The following CHD9 variants were observed in gnomAD, a reference collection of about 807,000 sequenced individuals.
The protein encoded by CHD9 is chromodomain helicase DNA binding protein 9.
CHD9 carries 77 observed loss-of-function variants against 316.1 expected under a neutral mutation model. The ratio of observed to expected loss-of-function variants is 0.24; its 90% CI spans 0.20 to 0.29. The LOEUF (loss-of-function observed/expected upper bound fraction) is 0.29, where lower values mean the gene tolerates loss of function less well. Among genes scored for constraint, CHD9 ranks in the 10% least tolerant of loss-of-function variants. The pLI is 1.00. For missense variants in CHD9, 2,763 were observed against 3,438.1 expected (o/e 0.80, Z 4.91); for synonymous variants, 1,129 against 1,158.3 (o/e 0.97, Z 0.51).
At position 53,307,701 on chromosome 16, in the gene CHD9, G is replaced by A; in HGVS notation, c.6801G>A (p.Arg2267=). 6.2e-7 allele frequency: 1 copy of A among 1,609,808 alleles called. No individual in the cohort carries two copies. Among genetic ancestry groups the A allele is most frequent in the Non-Finnish European group, 8.5e-7 (1 of 1,177,918 alleles). ...YWPKDRVMIN[R]LDSICQTVLK... Reference sequence around the variant, plus strand: ...TCTAGGATCGTGTGATGATCAATAGGTTGGACAGTATTTGTCAAACAGTTC... The same window carrying A: ...TCTAGGATCGTGTGATGATCAATAGATTGGACAGTATTTGTCAAACAGTTC... Residue 2267 remains arginine (R), a synonymous_variant, in exon 33 of 39, where the codon AGG becomes AGA. Coordinates refer to ENST00000447540, the MANE Select transcript of CHD9 (RefSeq NM_001308319.2).
At chr16:53,132,066 CTGTT>C (rs2152684354) in intron 1 of CHD9, among the ~76,000 whole-genome samples, 1 of 152,052 alleles carries the variant, frequency 6.6e-6, no homozygotes, top group South Asian at 2.1e-4. Flanking sequence ...AGACTGGTTT[CTGTT>C]TGTTCTTATT....
At chr16:53,257,436 A>T (rs2050700110) in intron 19 of CHD9, among the ~76,000 whole-genome samples, 1 of 152,200 alleles carries the variant, frequency 6.6e-6, no homozygotes, top group Admixed American at 6.5e-5. Context: ...AAGGGGAAAG[A>T]CTAGAAACAG....
chr16:53,131,239 G>C (rs1018963598), intron 1 of CHD9: 1 of 151,132 alleles, frequency 6.6e-6, no homozygotes, highest in Admixed American at 6.6e-5. Flanking sequence ...AGTCTCAGTC[G>C]AGGCGGGGGG....
At chr16:53,226,247 T>A (rs12599784) in intron 4 of CHD9, 119 bp from the exon 5 acceptor site, 186,129 of 602,308 alleles carry the variant, frequency 0.31, 29,654 homozygotes, top group Middle Eastern at 0.38. Context: ...GAAAAGATAG[T>A]ACATTGAGTG....
chr16:53,262,043 A>G (rs2051188457), intron 19 of CHD9, among the ~76,000 whole-genome samples: 1 of 152,104 alleles, frequency 6.6e-6, no homozygotes, highest in Admixed American at 6.5e-5. Flanking sequence ...TTCTTTAATT[A>G]AGATTTTTAC....
intron 25 of CHD9, among the ~76,000 whole-genome samples, 160 bp from the exon 26 acceptor site, chr16:53,286,066 G>A (rs548333883): frequency 6.6e-6 from 1 of 152,300 alleles, no homozygotes; most frequent in Non-Finnish European, 1.5e-5. Flanking sequence ...ATCATTTAAT[G>A]TTTGTGATAA....
intron 1 of CHD9, among the ~76,000 whole-genome samples, chr16:53,056,045 A>G (rs1462292981): frequency 6.6e-6 from 1 of 152,180 alleles, no homozygotes; most frequent in Non-Finnish European, 1.5e-5. Flanking sequence ...CAACTAGTAA[A>G]AATGAGCCCT....
At chr16:53,208,382 G>C (rs1356848709) in intron 2 of CHD9, 2 of 1,275,816 alleles carry the variant, frequency 1.6e-6, no homozygotes, top group Non-Finnish European at 2.0e-6. Flanking sequence ...GAGGAGGAGG[G>C]GTTCTTTGGG....
intron 1 of CHD9, among the ~76,000 whole-genome samples, chr16:53,129,467 C>A (rs1269374592): frequency 6.6e-6 from 1 of 152,212 alleles, no homozygotes; most frequent in Non-Finnish European, 1.5e-5. Flanking sequence ...TCTTCCCAGC[C>A]CTGTCAGTAT....
At chr16:53,070,927 G>A (rs1054333303) in intron 1 of CHD9, among the ~76,000 whole-genome samples, 3 of 152,188 alleles carry the variant, frequency 2.0e-5, no homozygotes, top group African/African-American at 7.2e-5. Flanking sequence ...AAATCAGGAT[G>A]TGTGAGTCCT....
chr16:53,315,145 C>T (rs1272469776), intron 36 of CHD9, 101 bp downstream of exon 36: 1 of 795,772 alleles, frequency 1.3e-6, no homozygotes, highest in East Asian at 2.7e-5. Context: ...TAAATATGTG[C>T]TCTGCCTAAG....
At chr16:53,056,960 C>G (rs1473274195) in intron 1 of CHD9, among the ~76,000 whole-genome samples, 1 of 151,706 alleles carries the variant, frequency 6.6e-6, no homozygotes, top group Non-Finnish European at 1.5e-5. Context: ...TCAGCCTGTG[C>G]AACAGAGCAA....
chr16:53,160,020 T>G (rs1273029816), intron 2 of CHD9, among the ~76,000 whole-genome samples: 2 of 152,168 alleles, frequency 1.3e-5, no homozygotes, highest in Admixed American at 6.6e-5. Flanking sequence ...TGTCCCCCTC[T>G]TTTTATGACA....
chr16:53,088,084 A>G (rs987397321), intron 1 of CHD9, among the ~76,000 whole-genome samples: 8 of 152,186 alleles, frequency 5.3e-5, no homozygotes, highest in Non-Finnish European at 1.0e-4. Context: ...GACTCTCCTT[A>G]CGTCTTGGCT....
rs901784197 is a variant in CHD9 at position 53,319,845 on chromosome 16, A to G, written c.7713+1505A>G. On this transcript the variant is annotated intron_variant, in intron 37 of 38. Transcript: ENST00000447540. ...GATTGATGAGTTATTAAGGAAAAGA[A>G]TCTACCTGCTAAATCCCCATAAACC... 13 of 1,260,908 alleles carry G rather than the reference A, an allele frequency of 1.0e-5. No homozygotes were observed. The African/African-American group carries it at 2.0e-4, about 19-fold the overall frequency. 78.1% of individuals were successfully genotyped at this position (1,260,908 alleles called of 1,614,324 possible). A position where few individuals can be genotyped will look rare whatever the true frequency, so the allele number is the denominator to read the frequency against.
chr16:53,176,291 T>G (rs185846983), intron 2 of CHD9, among the ~76,000 whole-genome samples: 1 of 152,374 alleles, frequency 6.6e-6, no homozygotes, highest in African/African-American at 2.4e-5. Flanking sequence ...TTTCTCACGT[T>G]GTATCACCCT....
intron 1 of CHD9, among the ~76,000 whole-genome samples, chr16:53,132,832 G>T (rs1384962468): frequency 8.2e-6 from 1 of 122,182 alleles, no homozygotes; most frequent in South Asian, 2.7e-4. Context: ...GTGTTGAGAC[G>T]GAGTCTCGCT....
chr16:53,226,903 G>A (rs974197811), intron 5 of CHD9, among the ~76,000 whole-genome samples: 6 of 152,090 alleles, frequency 3.9e-5, no homozygotes, highest in African/African-American at 7.2e-5. Flanking sequence ...ATTTTCTGGC[G>A]TCATCTTCTG....
intron 24 of CHD9, among the ~76,000 whole-genome samples, chr16:53,280,775 A>T (rs761298904): frequency 6.6e-6 from 1 of 151,968 alleles, no homozygotes; most frequent in Non-Finnish European, 1.5e-5. Flanking sequence ...TACATTTACT[A>T]TCTCTACTTC....
Sources: gnomAD v4.1 joint callset for allele counts (sites outside exome capture counted in the v4.1 genomes callset) on GRCh38, gnomAD v4.1.1 for gene constraint, MANE v1.5 for transcripts, NCBI Gene and HGNC (gene_info 2026-07-23, HGNC 2026-07-21) for gene names.